Variants in KCNIP3 observed in about 807,000 individuals in gnomAD.
KCNIP3 encodes calsenilin.
A neutral mutation model predicts 35.0 loss-of-function variants in KCNIP3; 28 were observed. That is an observed-to-expected ratio of 0.80 (90% CI 0.59 to 1.10). KCNIP3 has a LOEUF of 1.10. Ranked by LOEUF, KCNIP3 falls within the 50% of genes least tolerant of loss-of-function variation. The probability of loss-of-function intolerance (pLI) is 0.00; values close to 1 mark genes in which losing one functional copy is unlikely to be tolerated. For missense variants in KCNIP3, 295 were observed against 338.4 expected (o/e 0.87, Z 1.01); for synonymous variants, 134 against 133.8 (o/e 1.00, Z -0.01).
intron 2 of KCNIP3, among the ~76,000 whole-genome samples, chr2:95,338,215 T>A (rs1679109509): frequency 6.6e-6 from 1 of 152,220 alleles, no homozygotes; most frequent in Admixed American, 6.5e-5. Flanking sequence ...TCACCAGCTG[T>A]GGACACTTGG....
intron 2 of KCNIP3, among the ~76,000 whole-genome samples, chr2:95,343,786 A>G (rs1679275794): frequency 2.0e-5 from 3 of 152,152 alleles, no homozygotes; most frequent in Admixed American, 1.3e-4. Flanking sequence ...GGCTGGTAGA[A>G]TCTGGGTTGG....
rs576829374 is a variant in KCNIP3 at position 95,375,888 on chromosome 2, C to T, written c.447+680C>T. Among the ~76,000 whole-genome samples, 10 of 152,318 alleles carry T rather than the reference C, an allele frequency of 6.6e-5. No individual in the cohort carries two copies. The South Asian group carries it at 1.5e-3, about 22-fold the overall frequency. ...TGGGGAGGAAAACCTTTCTGAGAGC[C>T]GGCTTGATCGATACCCCGACAGCTT... On this transcript the variant is annotated intron_variant, in intron 5 of 8. Coordinates refer to ENST00000295225, the MANE Select transcript of KCNIP3 (RefSeq NM_013434.5).
intron 1 of KCNIP3, among the ~76,000 whole-genome samples, chr2:95,307,307 AG>A: frequency 6.6e-6 from 1 of 152,248 alleles, no homozygotes; most frequent in South Asian, 2.1e-4. Context: ...GATGTGCCTG[AG>A]GGGCTTCGGA....
At chr2:95,319,586 C>A (rs1484872260) in intron 2 of KCNIP3, among the ~76,000 whole-genome samples, 1 of 152,190 alleles carries the variant, frequency 6.6e-6, no homozygotes, top group African/African-American at 2.4e-5. Flanking sequence ...GGCTAGTGAC[C>A]CCAAGCATCC....
rs1224533267 is a variant in KCNIP3, at chr2:95,353,775, C to T, written c.182-20521C>T. On this transcript the variant is annotated intron_variant, in intron 2 of 8. Transcript: ENST00000295225. The stretch of plus-strand genomic sequence containing the variant: ...GTGACCACATCTGTGGCATGAGGCT[C>T]GGCTTTGGCTGCGGCTTCTCTTAGC... Among the ~76,000 whole-genome samples the T allele has an allele frequency of 3.3e-5, 5 of 152,316 alleles. No homozygotes were observed. The East Asian group carries it at 5.8e-4, about 18-fold the overall frequency.
chr2:95,304,042 C>T (rs904257210), intron 1 of KCNIP3, among the ~76,000 whole-genome samples: 3 of 152,200 alleles, frequency 2.0e-5, no homozygotes, highest in Admixed American at 6.5e-5. Flanking sequence ...GAGGGCACGT[C>T]TCAGTGTGGA....
chr2:95,368,641 G>A, intron 2 of KCNIP3: 1 of 336,162 alleles, frequency 3.0e-6, no homozygotes, highest in Non-Finnish European at 6.0e-6. Context: ...CTCCATCCAG[G>A]CTAACAACAG....
chr2:95,310,167 G>A, intron 1 of KCNIP3, 188 bp from the exon 2 acceptor site: 1 of 722,852 alleles, frequency 1.4e-6, no homozygotes, highest in Non-Finnish European at 2.5e-6. Flanking sequence ...AGGGTGTAGA[G>A]TGAAAGGAAC....
intron 2 of KCNIP3, among the ~76,000 whole-genome samples, chr2:95,369,577 T>A (rs1226415451): frequency 1.3e-5 from 2 of 152,212 alleles, no homozygotes; most frequent in Non-Finnish European, 2.9e-5. Context: ...ATTTCCCTTG[T>A]TTCCTTCCTG....
Position 95,378,597 on chromosome 2 carries a change from T to A in KCNIP3, c.448-2999T>A, listed in dbSNP as rs1573522476. On this transcript the variant is annotated intron_variant, in intron 5 of 8. Transcript: ENST00000295225. This position sits in a 1 kb window ranked among gnomAD's most constrained non-coding sequence, Gnocchi z 4.0. ...TAAAAATACAAAAAAAAAAAAAAAA[T>A]TAGCTGGGCATGGTGGCGGGTGCCT... 6.8e-6 allele frequency among the ~76,000 whole-genome samples: 1 copy of A among 147,166 alleles called. No individual in the cohort carries two copies. Among genetic ancestry groups the A allele is most frequent in the East Asian group, 2.0e-4 (1 of 5,034 alleles).
At chr2:95,349,392 T>TA (rs1463329417) in intron 2 of KCNIP3, among the ~76,000 whole-genome samples, 1 of 152,160 alleles carries the variant, frequency 6.6e-6, no homozygotes, top group Non-Finnish European at 1.5e-5. Context: ...AGACCAGAGT[T>TA]ATGGTGCCCT....
intron 2 of KCNIP3, among the ~76,000 whole-genome samples, chr2:95,365,491 A>G (rs775298709): frequency 6.6e-6 from 1 of 152,182 alleles, no homozygotes; most frequent in Non-Finnish European, 1.5e-5. Context: ...TCAAAATTAC[A>G]ATATTGACCA....
chr2:95,324,621 T>A (rs571864432), intron 2 of KCNIP3, among the ~76,000 whole-genome samples: 1 of 149,332 alleles, frequency 6.7e-6, no homozygotes, highest in South Asian at 2.1e-4. Context: ...ATAAAAAAAA[T>A]GACAGTTTTG....
intron 2 of KCNIP3, among the ~76,000 whole-genome samples, chr2:95,319,761 TGCCTCA>T (rs1241005521): frequency 5.3e-5 from 8 of 152,200 alleles, no homozygotes; most frequent in Non-Finnish European, 2.9e-5. Flanking sequence ...GCCTTTTACC[TGCCTCA>T]CAGGCTCTTG....
At chr2:95,363,151 T>C (rs896342465) in intron 2 of KCNIP3, among the ~76,000 whole-genome samples, 1 of 152,216 alleles carries the variant, frequency 6.6e-6, no homozygotes, top group Non-Finnish European at 1.5e-5. Context: ...TCCTTTTTTT[T>C]CCTTGTGGTT....
intron 2 of KCNIP3, among the ~76,000 whole-genome samples, chr2:95,326,603 G>C (rs776532686): frequency 1.3e-5 from 2 of 152,212 alleles, no homozygotes; most frequent in Non-Finnish European, 2.9e-5. Context: ...ATGGCGGTGG[G>C]AACGCCCATG....
intron 2 of KCNIP3, among the ~76,000 whole-genome samples, chr2:95,373,796 T>G (rs1282332559): frequency 6.6e-6 from 1 of 152,154 alleles, no homozygotes; most frequent in African/African-American, 2.4e-5. Flanking sequence ...TAACCAGATG[T>G]GAATAACACC....
At position 95,382,562 on chromosome 2, in the gene KCNIP3, T is replaced by C; in HGVS notation, c.660+81T>C. The C allele has an allele frequency of 9.9e-7, 1 of 1,005,510 alleles. No individual in the cohort carries two copies. The highest frequency in any genetic ancestry group is 1.6e-5 in the African/African-American group (1 of 62,144). The allele number at this position is 1,005,510 out of a possible 1,614,324, so 62.3% of individuals were successfully genotyped here. A position where few individuals can be genotyped will look rare whatever the true frequency, so the allele number is the denominator to read the frequency against. ...CGCTTTTGGGGCCACCCCGGGCAAG[T>C]GGCTTGCCCCTCTGAGCCTCCCTAC... On this transcript the variant is annotated intron_variant, in intron 7 of 8. Transcript: ENST00000295225. The surrounding 1 kb of genome is among the most constrained non-coding windows in gnomAD (Gnocchi z 4.5).
At chr2:95,331,563 C>A (rs551072134) in intron 2 of KCNIP3, among the ~76,000 whole-genome samples, 1 of 152,314 alleles carries the variant, frequency 6.6e-6, no homozygotes, top group African/African-American at 2.4e-5. Context: ...CAGTCGTGCA[C>A]GCTGATGTCT....
Sources: gnomAD v4.1 joint callset for allele counts (sites outside exome capture counted in the v4.1 genomes callset) on GRCh38, gnomAD v4.1.1 for gene constraint, Gnocchi (gnomAD v3.1) non-coding constraint, MANE v1.5 for transcripts, NCBI Gene and HGNC (gene_info 2026-07-23, HGNC 2026-07-21) for gene names.